GABRG3: variants seen among roughly 807,000 people sequenced by gnomAD.
GABRG3 encodes the protein gamma-aminobutyric acid receptor subunit gamma-3.
In GABRG3, 25 loss-of-function variants were observed where a neutral mutation model predicts 48.8. The ratio of observed to expected loss-of-function variants is 0.51; its 90% CI spans 0.37 to 0.72. The LOEUF (loss-of-function observed/expected upper bound fraction) is 0.72. Ranked by LOEUF, GABRG3 falls within the 30% of genes least tolerant of loss-of-function variation. The pLI, the probability that GABRG3 is intolerant of heterozygous loss-of-function variation, is 0.00. For missense variants in GABRG3, 394 were observed against 577.9 expected (o/e 0.68, Z 3.26); for synonymous variants, 227 against 217.6 (o/e 1.04, Z -0.38).
intron 3 of GABRG3, among the ~76,000 whole-genome samples, chr15:27,321,243 A>G (rs1452510073): frequency 6.6e-6 from 1 of 152,220 alleles, no homozygotes; most frequent in Non-Finnish European, 1.5e-5. Flanking sequence ...ACCTGTCCTC[A>G]GGGGTGTTAG....
intron 5 of GABRG3, among the ~76,000 whole-genome samples, chr15:27,403,080 C>G (rs1444338547): frequency 1.3e-5 from 2 of 151,564 alleles, no homozygotes; most frequent in East Asian, 3.9e-4. Flanking sequence ...AACAGTGAAC[C>G]AGAAACAATA....
At chr15:27,056,353 C>CAAAAA (rs58665097) in intron 3 of GABRG3, among the ~76,000 whole-genome samples, 79 of 54,478 alleles carry the variant, frequency 1.5e-3, no homozygotes, top group Middle Eastern at 9.3e-3. Flanking sequence ...ACCCTGTCTC[C>CAAAAA]AAAAAAAAAA....
chr15:27,130,645 A>C (rs1420573204), intron 3 of GABRG3, among the ~76,000 whole-genome samples: 1 of 152,112 alleles, frequency 6.6e-6, no homozygotes, highest in Non-Finnish European at 1.5e-5. Flanking sequence ...TTGACATCTT[A>C]ACAATATTAG....
At chr15:27,517,045 G>A (rs1051809298) in intron 6 of GABRG3, among the ~76,000 whole-genome samples, 2 of 150,464 alleles carry the variant, frequency 1.3e-5, no homozygotes, top group Non-Finnish European at 3.0e-5. Context: ...TAGGACTTTG[G>A]TGCCACTGCC....
chr15:27,437,328 G>A (rs1209905375), intron 5 of GABRG3, among the ~76,000 whole-genome samples: 14 of 152,154 alleles, frequency 9.2e-5, no homozygotes, highest in Admixed American at 9.2e-4. Context: ...TTAACAAATG[G>A]AGTAAAATTA....
chr15:27,434,954 C>T (rs1306696379), intron 5 of GABRG3, among the ~76,000 whole-genome samples: 1 of 152,168 alleles, frequency 6.6e-6, no homozygotes, highest in Non-Finnish European at 1.5e-5. Flanking sequence ...CCACTTCTCT[C>T]CAATCCAACA....
intron 3 of GABRG3, among the ~76,000 whole-genome samples, chr15:27,187,201 T>C (rs1033284494): frequency 4.6e-5 from 7 of 152,188 alleles, no homozygotes; most frequent in African/African-American, 1.7e-4. Flanking sequence ...CCATTGCTTT[T>C]TATTGTTGGC....
chr15:27,347,127 C>T (rs1188950875), intron 5 of GABRG3, among the ~76,000 whole-genome samples: 4 of 152,070 alleles, frequency 2.6e-5, no homozygotes, highest in African/African-American at 9.7e-5. Flanking sequence ...CTTTGGGTGC[C>T]AGAGGCTTAA....
At chr15:27,150,020 G>A (rs993860972) in intron 3 of GABRG3, among the ~76,000 whole-genome samples, 2 of 152,190 alleles carry the variant, frequency 1.3e-5, no homozygotes, top group African/African-American at 2.4e-5. Flanking sequence ...TAAAATAAGT[G>A]TAATATCTTT....
At chr15:27,509,350 T>A (rs567487045) in intron 6 of GABRG3, among the ~76,000 whole-genome samples, 1 of 90,432 alleles carries the variant, frequency 1.1e-5, no homozygotes, top group Non-Finnish European at 2.0e-5. Flanking sequence ...TTCTTTTGAT[T>A]CTGGCTGATA....
intron 5 of GABRG3, among the ~76,000 whole-genome samples, chr15:27,388,249 GGAA>G (rs1896066878): frequency 2.4e-5 from 1 of 41,422 alleles, no homozygotes; most frequent in East Asian, 1.2e-3. Flanking sequence ...AGGGAGGAAA[GGAA>G]GGAAGGAAAG....
At chr15:27,016,361 G>A (rs1372411751) in intron 2 of GABRG3, among the ~76,000 whole-genome samples, 1 of 151,400 alleles carries the variant, frequency 6.6e-6, no homozygotes. Context: ...TTGAAGGAGA[G>A]TTTTTACCAT....
rs1891789585 is a variant in GABRG3, at chr15:27,291,375, T to C, written c.271-35434T>C. ...AAATTCACTGTAGGTTGTTCTTGAG[T>C]CATCATGCTTTGTATGTTAATATCT... On this transcript the variant is annotated intron_variant, in intron 3 of 9. Transcript: ENST00000615808. Among the ~76,000 whole-genome samples the C allele has an allele frequency of 2.0e-5, 3 of 152,212 alleles. 1 individual carries two copies. In the South Asian group the frequency reaches 6.2e-4, roughly 32 times the overall value.
At chr15:27,330,874 A>G (rs1595682190) in intron 5 of GABRG3, among the ~76,000 whole-genome samples, 1 of 152,144 alleles carries the variant, frequency 6.6e-6, no homozygotes, top group African/African-American at 2.4e-5. Flanking sequence ...GGGTGGTCAG[A>G]GTGAATGTAG....
intron 3 of GABRG3, among the ~76,000 whole-genome samples, chr15:27,191,113 C>G (rs1595575864): frequency 6.6e-6 from 1 of 152,036 alleles, no homozygotes; most frequent in African/African-American, 2.4e-5. Context: ...AATTTCTGTT[C>G]TTTTACATTT....
chr15:27,350,421 T>C, intron 5 of GABRG3: 1 of 326,038 alleles, frequency 3.1e-6, no homozygotes, highest in Admixed American at 4.0e-5. Flanking sequence ...ATTGTTTCTT[T>C]GTTTTTTCAA....
intron 5 of GABRG3, among the ~76,000 whole-genome samples, chr15:27,382,511 C>T (rs958941418): frequency 1.3e-5 from 2 of 152,162 alleles, no homozygotes; most frequent in African/African-American, 4.8e-5. Context: ...ATGGCTTTCA[C>T]TCGGAGTGAA....
chr15:27,045,087 A>G (rs1461589139), intron 3 of GABRG3, among the ~76,000 whole-genome samples: 2 of 152,354 alleles, frequency 1.3e-5, no homozygotes, highest in Middle Eastern at 3.4e-3. Context: ...AATTCACATA[A>G]CTACTGAGAC....
chr15:27,073,348 G>A (rs1460293965), intron 3 of GABRG3, among the ~76,000 whole-genome samples: 1 of 152,210 alleles, frequency 6.6e-6, no homozygotes, highest in Non-Finnish European at 1.5e-5. Flanking sequence ...CCTCCAGTGA[G>A]GTGTGTCAGC....
Sources: allele counts gnomAD v4.1 joint callset (sites outside exome capture counted in the v4.1 genomes callset), GRCh38; gene constraint gnomAD v4.1.1; transcripts MANE v1.5; gene names NCBI Gene and HGNC (gene_info 2026-07-23, HGNC 2026-07-21).